The following SV2C variants were observed in gnomAD, a reference collection of about 807,000 sequenced individuals.
SV2C encodes synaptic vesicle glycoprotein 2C.
In SV2C, 49 loss-of-function variants were observed where a neutral mutation model predicts 79.7. That is an observed-to-expected ratio of 0.61 (90% CI 0.49 to 0.78). The LOEUF (loss-of-function observed/expected upper bound fraction) is 0.78. Ranked by LOEUF, SV2C falls within the 30% of genes least tolerant of loss-of-function variation. The probability of loss-of-function intolerance (pLI) is 0.00; values close to 1 mark genes in which losing one functional copy is unlikely to be tolerated. For synonymous variants in SV2C, 334 were observed against 333.2 expected, an observed-to-expected ratio of 1.00 and a Z score of -0.03; for missense variants, 833 against 912.9, an observed-to-expected ratio of 0.91 and a Z score of 1.13.
chr5:76,014,360 A>G, the SV2C span, among the ~76,000 whole-genome samples: 2 of 152,196 alleles, frequency 1.3e-5, no homozygotes, highest in Non-Finnish European at 2.9e-5. Flanking sequence ...CTCAGCAGAA[A>G]GCCCCACTGC....
chr5:75,958,756 G>A, the SV2C span, among the ~76,000 whole-genome samples: 2 of 151,846 alleles, frequency 1.3e-5, no homozygotes, highest in Admixed American at 6.6e-5. Context: ...TTGAAATGAG[G>A]GAAGCCCTCT....
chr5:76,324,592 C>T (rs1748928980), intron 12 of SV2C, among the ~76,000 whole-genome samples: 1 of 151,956 alleles, frequency 6.6e-6, no homozygotes. Flanking sequence ...GCCTGTAATC[C>T]CAGCACTTTG....
intron 1 of SV2C, among the ~76,000 whole-genome samples, chr5:76,085,383 C>G (rs955987972): frequency 1.4e-4 from 22 of 152,162 alleles, no homozygotes; most frequent in African/African-American, 5.1e-4. Flanking sequence ...AACGCATTCT[C>G]TGGTGGAAAA....
rs539685110 is a variant in SV2C, at chr5:76,300,847, C to G, written c.1755C>G (p.Val585=). Residue 585 remains valine, a synonymous_variant, in exon 11 of 13, where the codon GTC becomes GTG. Coordinates refer to ENST00000502798, the MANE Select transcript of SV2C (RefSeq NM_014979.4). ...ATAGTGCCTACTGGATTTATTTTGT[C>G]AACTTTCTGGGGACATTGGCAGTAT... is the stretch of plus-strand genomic sequence containing the variant. The part of the protein sequence containing the change: ...DDYSAYWIYF[V]NFLGTLAVLP... 1.2e-6 allele frequency: 2 copies of G among 1,614,128 alleles called. No individual in the cohort carries two copies. Among genetic ancestry groups the G allele is most frequent in the South Asian group, 2.2e-5 (2 of 91,088 alleles).
At position 76,209,800 on chromosome 5, in the gene SV2C, G is replaced by A. The variant is rs761814967; in HGVS notation, c.826G>A (p.Gly276Ser). Residue 276 changes from glycine (G) to serine (S), a missense_variant, in exon 4 of 13, where the codon GGC becomes AGC. Transcript: ENST00000502798. ...TGAAGTCCTGGCCCGGGAAAAGCGG[G>A]GCGAACACTTGAGCTGGCTCTGCAT... ...FAEVLAREKR[G>S]EHLSWLCMFW... 9 of 1,614,086 alleles carry A rather than the reference G, an allele frequency of 5.6e-6. No individual in the cohort carries two copies. The highest frequency in any genetic ancestry group is 1.3e-5 in the African/African-American group (1 of 74,930).
At chr5:75,949,908 G>A in the SV2C span, among the ~76,000 whole-genome samples, 1 of 152,020 alleles carries the variant, frequency 6.6e-6, no homozygotes, top group African/African-American at 2.4e-5. Flanking sequence ...ATAGCCCACA[G>A]GATTTCTTGA....
At chr5:76,352,493 A>G (rs1242394676) in intron 12 of SV2C, among the ~76,000 whole-genome samples, 10 of 152,208 alleles carry the variant, frequency 6.6e-5, no homozygotes, top group Admixed American at 6.5e-4. Flanking sequence ...GGTTTGTCAT[A>G]AAAGCTAGTT....
At chr5:75,904,851 CTT>C in the SV2C span, among the ~76,000 whole-genome samples, 4 of 152,198 alleles carry the variant, frequency 2.6e-5, no homozygotes, top group East Asian at 7.7e-4. Context: ...GACAGTATAT[CTT>C]AGCGAGAATT....
intron 2 of SV2C, among the ~76,000 whole-genome samples, chr5:76,170,079 ATTTTTT>A (rs1027494416): frequency 6.6e-6 from 1 of 152,030 alleles, no homozygotes; most frequent in Non-Finnish European, 1.5e-5. Flanking sequence ...TTTTATTTTT[ATTTTTT>A]AAGTTATACA....
the SV2C span, among the ~76,000 whole-genome samples, chr5:75,871,243 C>A: frequency 6.6e-6 from 1 of 151,950 alleles, no homozygotes; most frequent in Non-Finnish European, 1.5e-5. Flanking sequence ...TGAAATGAGG[C>A]TTTTTTCAAA....
rs746474527 is a variant in SV2C, at chr5:76,291,311, A to G, written c.1228A>G (p.Ile410Val). The change falls in exon 7 of 13, where the codon ATC becomes GTC. Residue 410 changes from isoleucine (I) to valine (V), a missense_variant. By Grantham distance (29) the Ile-to-Val change is conservative. Coordinates refer to ENST00000502798, the MANE Select transcript of SV2C (RefSeq NM_014979.4). ...GTWYRRCFVR[I>V]RTELYGIWLT... ...ATGGTATAGGAGGTGTTTTGTTCGG[A>G]TCCGCACCGAGCTGTACGGAGTAAG... 1 of 1,612,116 alleles carries G rather than the reference A, an allele frequency of 6.2e-7. No homozygotes were observed. The highest frequency in any genetic ancestry group is 8.5e-7 in the Non-Finnish European group (1 of 1,179,302).
chr5:76,307,440 A>G (rs1042197647), intron 12 of SV2C, among the ~76,000 whole-genome samples: 2 of 151,868 alleles, frequency 1.3e-5, no homozygotes, highest in African/African-American at 4.8e-5. Context: ...GTTGGCCGGA[A>G]TCACCTGTTT....
the SV2C span, among the ~76,000 whole-genome samples, chr5:76,073,501 G>GTGTA: frequency 2.3e-5 from 2 of 87,230 alleles, no homozygotes; most frequent in Non-Finnish European, 4.7e-5. Flanking sequence ...ATGTATGTGT[G>GTGTA]TGTATATATA....
chr5:76,254,521 T>C (rs934081793), intron 4 of SV2C, among the ~76,000 whole-genome samples: 2 of 152,152 alleles, frequency 1.3e-5, no homozygotes, highest in African/African-American at 4.8e-5. Context: ...CTATTTTCCA[T>C]GGAAATTTCC....
chr5:76,080,625 T>C (rs1268628578), upstream of SV2C, among the ~76,000 whole-genome samples: 2 of 152,228 alleles, frequency 1.3e-5, no homozygotes, highest in Non-Finnish European at 2.9e-5. Flanking sequence ...TGAAAACCAC[T>C]TTGCTGATGC....
At position 76,340,909 on chromosome 5, in the gene SV2C, G is replaced by A. The variant is rs992363250; in HGVS notation, c.2001-12221G>A. On this transcript the variant is annotated intron_variant, in intron 12 of 12. Coordinates refer to the SV2C transcript ENST00000322285. ...ACAGTCATGAGTCACTGTGCACCTG[G>A]CCTAGTTTTACAAAATTTTTTTTTT... 2.0e-5 allele frequency among the ~76,000 whole-genome samples: 3 copies of A among 148,190 alleles called. No individual in the cohort carries two copies. The Admixed American group carries it at 2.1e-4, about 10-fold the overall frequency.
chr5:75,867,691 C>T, the SV2C span, among the ~76,000 whole-genome samples: 2 of 152,164 alleles, frequency 1.3e-5, no homozygotes, highest in African/African-American at 4.8e-5. Flanking sequence ...GAACATAGAT[C>T]TTTGGAATGT....
At chr5:76,240,363 C>T (rs1000843364) in intron 4 of SV2C, among the ~76,000 whole-genome samples, 9 of 152,206 alleles carry the variant, frequency 5.9e-5, no homozygotes, top group Non-Finnish European at 8.8e-5. Flanking sequence ...GTAGTGTGTA[C>T]ATTACCAACA....
At chr5:75,898,496 C>G in the SV2C span, among the ~76,000 whole-genome samples, 1 of 152,166 alleles carries the variant, frequency 6.6e-6, no homozygotes, top group Admixed American at 6.5e-5. Flanking sequence ...ATTTTTGCAT[C>G]AATGTTCATC....
Sources: allele counts gnomAD v4.1 joint callset (sites outside exome capture counted in the v4.1 genomes callset), GRCh38; gene constraint gnomAD v4.1.1; transcripts MANE v1.5; gene names NCBI Gene and HGNC (gene_info 2026-07-23, HGNC 2026-07-21).